PTPRM: variants seen among roughly 807,000 people sequenced by gnomAD.
PTPRM encodes the protein protein tyrosine phosphatase receptor type M, also known as receptor-type tyrosine-protein phosphatase mu.
A neutral mutation model predicts 186.7 loss-of-function variants in PTPRM; 47 were observed. The ratio of observed to expected loss-of-function variants is 0.25; its 90% CI spans 0.20 to 0.32. The LOEUF (loss-of-function observed/expected upper bound fraction) is 0.32. Among genes scored for constraint, PTPRM ranks in the 10% least tolerant of loss-of-function variants. The pLI, the probability that PTPRM is intolerant of heterozygous loss-of-function variation, is 1.00. For synonymous variants in PTPRM, 668 were observed against 674.9 expected, an observed-to-expected ratio of 0.99 and a Z score of 0.16; for missense variants, 1,494 against 1,865.0, an observed-to-expected ratio of 0.80 and a Z score of 3.66.
At chr18:7,730,385 C>T (rs1403985962) in intron 1 of PTPRM, among the ~76,000 whole-genome samples, 1 of 152,044 alleles carries the variant, frequency 6.6e-6, no homozygotes, top group Non-Finnish European at 1.5e-5. Flanking sequence ...TTTTAGAGTT[C>T]CTATGGTTCC....
At chr18:8,346,080 T>G (rs918359324) in intron 23 of PTPRM, among the ~76,000 whole-genome samples, 1 of 152,352 alleles carries the variant, frequency 6.6e-6, no homozygotes, top group Non-Finnish European at 1.5e-5. Context: ...CAATGATGTC[T>G]CTGCCGGGAG....
At chr18:7,868,042 C>A (rs2047800210) in intron 2 of PTPRM, among the ~76,000 whole-genome samples, 1 of 152,072 alleles carries the variant, frequency 6.6e-6, no homozygotes, top group Non-Finnish European at 1.5e-5. Context: ...TTTTTCAGCT[C>A]CATCAGGTCA....
At chr18:8,169,121 G>T (rs939871709) in intron 14 of PTPRM, among the ~76,000 whole-genome samples, 4 of 152,290 alleles carry the variant, frequency 2.6e-5, no homozygotes, top group South Asian at 4.1e-4. Flanking sequence ...GAAGGAAAAT[G>T]AAGGTGGAAA....
At position 7,568,893 on chromosome 18, in the gene PTPRM, C is replaced by T. The variant is rs1466328085; in HGVS notation, c.73+1002C>T. On this transcript the variant is annotated intron_variant, in intron 1 of 32. Coordinates refer to ENST00000580170, the MANE Select transcript of PTPRM (RefSeq NM_001105244.2). This position sits in a 1 kb window ranked among gnomAD's most constrained non-coding sequence, Gnocchi z 5.1. ...TACCTGGGTGACACAGGTGGATAGA[C>T]GGCAAATGCTGGCCCATTTGCACAC... is the stretch of plus-strand genomic sequence containing the variant. Among the ~76,000 whole-genome samples, 9 of 152,266 alleles carry T rather than the reference C, an allele frequency of 5.9e-5. No individual in the cohort carries two copies. The highest frequency in any genetic ancestry group is 3.3e-4 in the Admixed American group (5 of 15,300).
intron 23 of PTPRM, among the ~76,000 whole-genome samples, chr18:8,366,500 C>G (rs1295819048): frequency 6.6e-6 from 1 of 152,178 alleles, no homozygotes; most frequent in East Asian, 1.9e-4. Flanking sequence ...CTGGCAGCCT[C>G]GGGAGCCACA....
intron 1 of PTPRM, among the ~76,000 whole-genome samples, chr18:7,737,572 G>A (rs2040798249): frequency 6.6e-6 from 1 of 152,202 alleles, no homozygotes; most frequent in Non-Finnish European, 1.5e-5. Context: ...TGTGCATCTG[G>A]CTACTAAAGT....
At chr18:8,343,739 C>T (rs1360729576) in intron 23 of PTPRM, among the ~76,000 whole-genome samples, 1 of 152,188 alleles carries the variant, frequency 6.6e-6, no homozygotes, top group African/African-American at 2.4e-5. Context: ...GAAAGGCACT[C>T]AAGATTTAAA....
chr18:8,287,434 G>A (rs776173789), intron 19 of PTPRM, among the ~76,000 whole-genome samples: 2 of 152,140 alleles, frequency 1.3e-5, no homozygotes, highest in Non-Finnish European at 2.9e-5. Context: ...CAGCTGCCCT[G>A]GTATGTTTAT....
At chr18:8,174,756 C>T (rs1180434595) in intron 14 of PTPRM, among the ~76,000 whole-genome samples, 1 of 152,188 alleles carries the variant, frequency 6.6e-6, no homozygotes, top group Admixed American at 6.5e-5. Flanking sequence ...TCCATTGCTG[C>T]TTTCATTCAA....
chr18:7,823,630 C>T (rs776378051), intron 2 of PTPRM, among the ~76,000 whole-genome samples: 13 of 152,164 alleles, frequency 8.5e-5, no homozygotes, highest in Non-Finnish European at 1.8e-4. Flanking sequence ...AAGGAGCAGA[C>T]TTGCTGAGTC....
At chr18:8,033,786 G>A (rs902943029) in intron 7 of PTPRM, among the ~76,000 whole-genome samples, 1 of 152,158 alleles carries the variant, frequency 6.6e-6, no homozygotes, top group African/African-American at 2.4e-5. Context: ...ACTAGTTATT[G>A]TAACAAATTT....
intron 23 of PTPRM, among the ~76,000 whole-genome samples, chr18:8,355,256 G>A (rs780670893): frequency 1.3e-5 from 2 of 152,196 alleles, no homozygotes; most frequent in Non-Finnish European, 2.9e-5. Flanking sequence ...TCATCTAGCT[G>A]TGGAGTTGAG....
At chr18:7,889,395 G>A (rs1360972436) in intron 3 of PTPRM, among the ~76,000 whole-genome samples, 5 of 136,846 alleles carry the variant, frequency 3.7e-5, no homozygotes, top group African/African-American at 1.1e-4. Context: ...GGAGTACAGT[G>A]TTGTGATCAC....
At chr18:8,085,486 A>C (rs148300831) in intron 9 of PTPRM, among the ~76,000 whole-genome samples, 185 bp from the exon 10 acceptor site, 7 of 152,312 alleles carry the variant, frequency 4.6e-5, no homozygotes, top group African/African-American at 1.7e-4. Flanking sequence ...TGTCTATAAA[A>C]GTAATAACTC....
chr18:8,054,324 ACT>A, intron 7 of PTPRM, among the ~76,000 whole-genome samples: 1 of 83,878 alleles, frequency 1.2e-5, no homozygotes, highest in African/African-American at 6.1e-5. Flanking sequence ...TATATATATT[ACT>A]ACTACTAGTG....
intron 9 of PTPRM, among the ~76,000 whole-genome samples, chr18:8,078,470 A>G (rs902807637): frequency 3.3e-5 from 5 of 152,200 alleles, no homozygotes; most frequent in African/African-American, 1.2e-4. Flanking sequence ...GTCACATTTG[A>G]ATACTGGTAA....
intron 13 of PTPRM, among the ~76,000 whole-genome samples, chr18:8,142,507 C>T (rs369475537): frequency 3.9e-5 from 6 of 152,284 alleles, no homozygotes; most frequent in African/African-American, 1.2e-4. Context: ...TCAGTGATAA[C>T]TCATTTTAGA....
chr18:7,627,278 C>T (rs991056026), intron 1 of PTPRM, among the ~76,000 whole-genome samples: 1 of 152,176 alleles, frequency 6.6e-6, no homozygotes, highest in African/African-American at 2.4e-5. Flanking sequence ...TTTGGGCCTC[C>T]GGATATGGGC....
chr18:7,793,902 A>C (rs188359873), intron 2 of PTPRM, among the ~76,000 whole-genome samples: 1 of 152,230 alleles, frequency 6.6e-6, no homozygotes, highest in African/African-American at 2.4e-5. Context: ...AGGAAGACAT[A>C]AGGGGCTGGA....
Sources: allele counts gnomAD v4.1 joint callset (sites outside exome capture counted in the v4.1 genomes callset), GRCh38; gene constraint gnomAD v4.1.1; non-coding constraint Gnocchi (gnomAD v3.1); transcripts MANE v1.5; gene names NCBI Gene and HGNC (gene_info 2026-07-23, HGNC 2026-07-21).